The following OR9Q1 variants were observed in gnomAD, a reference collection of about 807,000 sequenced individuals.
OR9Q1 encodes olfactory receptor 9Q1.
For synonymous variants in OR9Q1, 153 were observed against 148.6 expected (o/e 1.03, Z -0.22); for missense variants, 374 against 378.8 (o/e 0.99, Z 0.11).
At chr11:58,133,315 A>G (rs1854160962) in intron 2 of OR9Q1, among the ~76,000 whole-genome samples, 1 of 152,176 alleles carries the variant, frequency 6.6e-6, no homozygotes, top group Non-Finnish European at 1.5e-5. Context: ...AGCAGAAGGG[A>G]TAGATGAGCT....
chr11:58,157,889 T>G (rs1463868900), intron 2 of OR9Q1, among the ~76,000 whole-genome samples: 1 of 152,234 alleles, frequency 6.6e-6, no homozygotes, highest in African/African-American at 2.4e-5. Flanking sequence ...AAATGGCAGA[T>G]GAGACTTTCT....
At chr11:58,054,587 T>A (rs760631928) in intron 1 of OR9Q1, among the ~76,000 whole-genome samples, 2 of 152,224 alleles carry the variant, frequency 1.3e-5, no homozygotes, top group Non-Finnish European at 2.9e-5. Context: ...TTGTGCTTAG[T>A]ATGTAAAGTG....
At chr11:58,136,040 C>T (rs1322451515) in intron 2 of OR9Q1, among the ~76,000 whole-genome samples, 2 of 152,102 alleles carry the variant, frequency 1.3e-5, no homozygotes, top group African/African-American at 4.8e-5. Context: ...CTGAAAATCC[C>T]ATTAGTTTTC....
In OR9Q1 at chr11:58,180,066, C is replaced by T; in HGVS notation, c.622C>T (p.Pro208Ser). ...TATTATGTTTGCCATTTTTGTCATC[C>T]CTGCTTCCATGGTGGTGATCTTGGT... ...LIIMFAIFVIPASMVVILVSY... is the reference protein window; with the variant it reads ...LIIMFAIFVISASMVVILVSY... Residue 208 changes from proline to serine, a missense_variant, in exon 3 of 3, where the codon CCT becomes TCT. Pro to Ser is a moderately conservative substitution (Grantham distance 74). Coordinates refer to ENST00000335397, the MANE Select transcript of OR9Q1 (RefSeq NM_001005212.4). 9 of 1,614,148 alleles carry T rather than the reference C, an allele frequency of 5.6e-6. No homozygotes were observed. The highest frequency in any genetic ancestry group is 7.6e-6 in the Non-Finnish European group (9 of 1,180,026).
intron 2 of OR9Q1, among the ~76,000 whole-genome samples, chr11:58,139,894 C>T (rs1854228376): frequency 6.6e-6 from 1 of 151,764 alleles, no homozygotes; most frequent in Non-Finnish European, 1.5e-5. Flanking sequence ...GTTTACAGTC[C>T]CACCAACAGT....
intron 1 of OR9Q1, among the ~76,000 whole-genome samples, chr11:58,032,858 C>T (rs1256775273): frequency 6.6e-6 from 1 of 152,130 alleles, no homozygotes; most frequent in Admixed American, 6.5e-5. Context: ...GCAAACTATG[C>T]ATCTGACAAA....
At chr11:58,082,249 A>T (rs1036668734) in intron 2 of OR9Q1, among the ~76,000 whole-genome samples, 1 of 152,188 alleles carries the variant, frequency 6.6e-6, no homozygotes, top group African/African-American at 2.4e-5. Context: ...TGACCCAGCC[A>T]TCCCATTACT....
At chr11:58,179,012 A>AGAGAGAG (rs1854633335) in intron 2 of OR9Q1, among the ~76,000 whole-genome samples, 3 of 132,454 alleles carry the variant, frequency 2.3e-5, no homozygotes, top group Non-Finnish European at 3.1e-5. Flanking sequence ...GAAAGAAAGA[A>AGAGAGAG]AGAGAGAGAG....
chr11:58,169,603 T>A (rs895734735), intron 2 of OR9Q1, among the ~76,000 whole-genome samples: 1 of 152,166 alleles, frequency 6.6e-6, no homozygotes, highest in Non-Finnish European at 1.5e-5. Flanking sequence ...GAAGGTAAAA[T>A]GAACCTTTTC....
At chr11:58,119,561 T>C (rs1854005485) in intron 2 of OR9Q1, 2 of 675,368 alleles carry the variant, frequency 3.0e-6, no homozygotes, top group South Asian at 4.7e-5. Flanking sequence ...TGGGTCTATT[T>C]GTAGAGTTTG....
chr11:58,150,314 G>T (rs535981991), intron 2 of OR9Q1, among the ~76,000 whole-genome samples: 1 of 152,104 alleles, frequency 6.6e-6, no homozygotes, highest in African/African-American at 2.4e-5. Flanking sequence ...GGTTGTTTGG[G>T]CCTGGTGTGG....
At chr11:58,100,133 A>C (rs961562203) in intron 2 of OR9Q1, among the ~76,000 whole-genome samples, 1 of 152,198 alleles carries the variant, frequency 6.6e-6, no homozygotes, top group Non-Finnish European at 1.5e-5. Context: ...TTGGAGCAGC[A>C]TTTCAAGAGA....
At chr11:58,101,238 A>G (rs1853780697) in intron 2 of OR9Q1, among the ~76,000 whole-genome samples, 2 of 152,076 alleles carry the variant, frequency 1.3e-5, no homozygotes, top group Admixed American at 6.6e-5. Flanking sequence ...GGTTGAACTA[A>G]TTTACATTTT....
intron 2 of OR9Q1, among the ~76,000 whole-genome samples, chr11:58,069,956 C>T (rs991017240): frequency 6.6e-6 from 1 of 152,030 alleles, no homozygotes; most frequent in Non-Finnish European, 1.5e-5. Context: ...ATTAGCTGGG[C>T]CTTGCAGCAG....
chr11:58,067,858 C>T (rs761201623), intron 2 of OR9Q1, among the ~76,000 whole-genome samples: 24 of 152,166 alleles, frequency 1.6e-4, no homozygotes, highest in Non-Finnish European at 2.4e-4. Flanking sequence ...CCTGCAGAAA[C>T]GGGGAAGGGC....
chr11:58,092,555 C>A (rs1339621520), intron 2 of OR9Q1, among the ~76,000 whole-genome samples: 6 of 152,032 alleles, frequency 3.9e-5, no homozygotes, highest in African/African-American at 1.4e-4. Flanking sequence ...GGAACTATAT[C>A]AAAAGATACA....
chr11:58,157,708 T>C (rs536936600), intron 2 of OR9Q1, among the ~76,000 whole-genome samples: 1 of 152,328 alleles, frequency 6.6e-6, no homozygotes, highest in Non-Finnish European at 1.5e-5. Context: ...AAGAACTGTA[T>C]ATTGCTGTTT....
At chr11:58,096,404 C>T (rs1469423469) in intron 2 of OR9Q1, among the ~76,000 whole-genome samples, 2 of 152,178 alleles carry the variant, frequency 1.3e-5, no homozygotes, top group East Asian at 1.9e-4. Flanking sequence ...CACAGACAAC[C>T]GCTATTCTGA....
At chr11:58,105,827 T>C (rs1191743624) in intron 2 of OR9Q1, among the ~76,000 whole-genome samples, 1 of 9,714 alleles carries the variant, frequency 1.0e-4, no homozygotes, top group Non-Finnish European at 6.0e-3. Context: ...ACTAATATTC[T>C]GTTTTTTTGT....
Sources: allele counts gnomAD v4.1 joint callset (sites outside exome capture counted in the v4.1 genomes callset), GRCh38; gene constraint gnomAD v4.1.1; transcripts MANE v1.5; gene names NCBI Gene and HGNC (gene_info 2026-07-23, HGNC 2026-07-21).